The following POU6F2 variants were observed in gnomAD, a reference collection of about 807,000 sequenced individuals.
POU6F2 encodes the protein POU domain, class 6, transcription factor 2.
In POU6F2, 31 loss-of-function variants were observed where a neutral mutation model predicts 71.3. That is an observed-to-expected ratio of 0.43 (90% CI 0.33 to 0.59). POU6F2 has a LOEUF of 0.59. Ranked by LOEUF, POU6F2 falls within the 20% of genes least tolerant of loss-of-function variation. The pLI is 0.04. For missense variants in POU6F2, 783 were observed against 856.8 expected (o/e 0.91, Z 1.07); for synonymous variants, 347 against 355.7 (o/e 0.98, Z 0.27).
chr7:39,257,582 G>C (rs549779845), intron 4 of POU6F2, among the ~76,000 whole-genome samples: 1 of 151,972 alleles, frequency 6.6e-6, no homozygotes, highest in Non-Finnish European at 1.5e-5. Context: ...GCACAAACTC[G>C]TGCTCCATAT....
intron 1 of POU6F2, among the ~76,000 whole-genome samples, chr7:39,033,512 ATTGT>A (rs1396346839): frequency 6.6e-6 from 1 of 152,170 alleles, no homozygotes; most frequent in Non-Finnish European, 1.5e-5. Context: ...GTTTATTGAG[ATTGT>A]TTGGAGGATC....
intron 1 of POU6F2, among the ~76,000 whole-genome samples, chr7:39,080,452 A>T (rs1791093705): frequency 6.6e-6 from 1 of 152,154 alleles, no homozygotes; most frequent in Non-Finnish European, 1.5e-5. Flanking sequence ...CTTAAATTGG[A>T]TGTAGGTAAT....
intron 3 of POU6F2, among the ~76,000 whole-genome samples, chr7:39,207,125 A>G (rs1038263178): frequency 1.3e-5 from 2 of 152,264 alleles, no homozygotes; most frequent in Non-Finnish European, 2.9e-5. Context: ...TCAATGGAAG[A>G]GTAGCATATA....
At chr7:39,406,577 G>C in intron 5 of POU6F2, 23 bp from the exon 6 acceptor site, 1 of 1,575,878 alleles carries the variant, frequency 6.3e-7, no homozygotes, top group East Asian at 2.3e-5. Context: ...TGGTTTTCAC[G>C]GTGATCTTTT....
At chr7:39,343,918 G>C (rs1785975753) in intron 5 of POU6F2, among the ~76,000 whole-genome samples, 1 of 152,190 alleles carries the variant, frequency 6.6e-6, no homozygotes, top group African/African-American at 2.4e-5. Context: ...TTCCCACTCA[G>C]CTGGGTGGCA....
chr7:39,169,662 G>T (rs1222781832), intron 2 of POU6F2, among the ~76,000 whole-genome samples: 2 of 152,036 alleles, frequency 1.3e-5, no homozygotes, highest in East Asian at 3.8e-4. Context: ...AAATACACCT[G>T]GAACTTCCAC....
chr7:39,419,278 G>A (rs529779247), intron 6 of POU6F2, among the ~76,000 whole-genome samples: 2 of 151,272 alleles, frequency 1.3e-5, no homozygotes, highest in Non-Finnish European at 2.9e-5. Flanking sequence ...TCACTCTGTC[G>A]CCCAGGTTGG....
At chr7:39,281,824 T>C (rs772920096) in intron 4 of POU6F2, among the ~76,000 whole-genome samples, 9 of 152,186 alleles carry the variant, frequency 5.9e-5, no homozygotes, top group African/African-American at 1.9e-4. Flanking sequence ...TACCCAGTAC[T>C]TGGATTGCTG....
At chr7:39,396,495 A>C (rs10248165) in intron 5 of POU6F2, among the ~76,000 whole-genome samples, 3 of 151,852 alleles carry the variant, frequency 2.0e-5, no homozygotes, top group Admixed American at 1.3e-4. Flanking sequence ...TCTCTCCAGC[A>C]TACTTCTAGA....
chr7:39,382,407 C>T (rs1786847689), intron 5 of POU6F2, among the ~76,000 whole-genome samples: 1 of 152,130 alleles, frequency 6.6e-6, no homozygotes, highest in South Asian at 2.1e-4. Flanking sequence ...AGACCTGGGC[C>T]AGCAGGATGG....
intron 4 of POU6F2, among the ~76,000 whole-genome samples, chr7:39,285,460 A>G (rs1422386499): frequency 1.3e-5 from 2 of 152,208 alleles, no homozygotes; most frequent in African/African-American, 2.4e-5. Context: ...GTTTGTTTCC[A>G]TAGCCAGTAG....
intron 6 of POU6F2, among the ~76,000 whole-genome samples, chr7:39,414,721 C>T (rs952225706): frequency 6.7e-6 from 1 of 149,752 alleles, no homozygotes; most frequent in Non-Finnish European, 1.5e-5. Context: ...CGCCCCCCCA[C>T]CACATTTCTG....
chr7:39,214,038 G>A (rs1012543185), intron 4 of POU6F2, among the ~76,000 whole-genome samples: 3 of 152,238 alleles, frequency 2.0e-5, no homozygotes, highest in Non-Finnish European at 4.4e-5. Flanking sequence ...AGATAGGGAT[G>A]TGTAGCTCCT....
intron 1 of POU6F2, among the ~76,000 whole-genome samples, chr7:38,988,975 G>C (rs1788530068): frequency 6.6e-6 from 1 of 151,832 alleles, no homozygotes; most frequent in South Asian, 2.1e-4. Flanking sequence ...TCCTACTGTT[G>C]CCATCAATAA....
chr7:38,982,826 G>C (rs1788357352), intron 1 of POU6F2, among the ~76,000 whole-genome samples: 1 of 152,046 alleles, frequency 6.6e-6, no homozygotes, highest in Non-Finnish European at 1.5e-5. Context: ...AACATATGCA[G>C]AGAGGTGGCT....
At chr7:39,453,306 TA>T (rs777345714) in intron 8 of POU6F2, among the ~76,000 whole-genome samples, 24 of 145,824 alleles carry the variant, frequency 1.6e-4, no homozygotes, top group African/African-American at 3.8e-4. Context: ...TTCCCCTAAT[TA>T]AAAAAAAAAA....
chr7:39,309,792 C>CT lies in POU6F2; in HGVS notation c.599-29844dup, dbSNP rs1211993076. Among the ~76,000 whole-genome samples, 47 of 152,314 alleles carry CT rather than the reference C, an allele frequency of 3.1e-4. 1 individual carries two copies. Among genetic ancestry groups the CT allele is most frequent in the Admixed American group, 3.0e-3 (46 of 15,300 alleles). ...TTACATAAATGGAAGAGCTCACACTCTTTTTTCTCTATAGCTCCTCCAGAA... is the reference window on the plus strand; with the variant it reads ...TTACATAAATGGAAGAGCTCACACTCTTTTTTTCTCTATAGCTCCTCCAGAA... On this transcript the variant is annotated intron_variant, in intron 4 of 9. Transcript: ENST00000518318.
At chr7:39,382,629 G>A (rs1248491199) in intron 5 of POU6F2, among the ~76,000 whole-genome samples, 1 of 152,220 alleles carries the variant, frequency 6.6e-6, no homozygotes, top group African/African-American at 2.4e-5. Flanking sequence ...TTAAAGGTTG[G>A]AGGAGGCTGT....
chr7:39,168,418 T>C (rs1240871795), intron 2 of POU6F2, among the ~76,000 whole-genome samples: 1 of 152,250 alleles, frequency 6.6e-6, no homozygotes, highest in Non-Finnish European at 1.5e-5. Context: ...TCCAGTATTC[T>C]TTCTACTAAT....
Sources: gnomAD v4.1 joint callset for allele counts (sites outside exome capture counted in the v4.1 genomes callset) on GRCh38, gnomAD v4.1.1 for gene constraint, MANE v1.5 for transcripts, NCBI Gene and HGNC (gene_info 2026-07-23, HGNC 2026-07-21) for gene names.